Variants in NOS1AP observed in about 807,000 individuals in gnomAD.
The protein encoded by NOS1AP is nitric oxide synthase 1 adaptor protein.
NOS1AP carries 21 observed loss-of-function variants against 56.2 expected under a neutral mutation model. That is an observed-to-expected ratio of 0.37 (90% CI 0.26 to 0.54). NOS1AP has a LOEUF of 0.54. Ranked by LOEUF, NOS1AP falls within the 20% of genes least tolerant of loss-of-function variation. The pLI is 0.84. For synonymous variants in NOS1AP, 270 were observed against 274.6 expected (o/e 0.98, Z 0.17); for missense variants, 522 against 657.8 (o/e 0.79, Z 2.26).
intron 1 of NOS1AP, among the ~76,000 whole-genome samples, chr1:162,146,055 G>T (rs1392580087): frequency 6.6e-6 from 1 of 152,220 alleles, no homozygotes; most frequent in East Asian, 1.9e-4. Flanking sequence ...TGCTGAGGCT[G>T]TAGAACTGAG....
chr1:162,351,652 C>T (rs574868830), intron 6 of NOS1AP, among the ~76,000 whole-genome samples: 9 of 152,292 alleles, frequency 5.9e-5, no homozygotes, highest in South Asian at 2.1e-4. Flanking sequence ...TGCCCTTCCT[C>T]GCCCAACTGC....
At chr1:162,232,442 A>G (rs1653152678) in intron 2 of NOS1AP, among the ~76,000 whole-genome samples, 1 of 152,178 alleles carries the variant, frequency 6.6e-6, no homozygotes, top group Admixed American at 6.5e-5. Context: ...TATGTAGAAC[A>G]TTTTATCTTC....
At chr1:162,339,319 C>T (rs1657031279) in intron 5 of NOS1AP, among the ~76,000 whole-genome samples, 1 of 151,954 alleles carries the variant, frequency 6.6e-6, no homozygotes, top group Admixed American at 6.6e-5. Flanking sequence ...AGATTTGATC[C>T]GTGTGGCAAA....
In NOS1AP at chr1:162,188,687, C is replaced by T. The variant is rs984287485; in HGVS notation, c.177+34211C>T. ...GGTCTTATGTGCCTTCCTTGAAGTG[C>T]AGTGAGTTTTGTTGAATGATAACAG... On this transcript the variant is annotated intron_variant, in intron 2 of 9. Transcript: ENST00000361897. This position sits in a 1 kb window ranked among gnomAD's most constrained non-coding sequence, Gnocchi z 4.0. Among the ~76,000 whole-genome samples, 3 of 152,204 alleles carry T rather than the reference C, an allele frequency of 2.0e-5. No homozygotes were observed. Among genetic ancestry groups the T allele is most frequent in the African/African-American group, 7.2e-5 (3 of 41,444 alleles).
chr1:162,361,330 T>C (rs1274338052), intron 8 of NOS1AP, among the ~76,000 whole-genome samples: 2 of 152,166 alleles, frequency 1.3e-5, no homozygotes, highest in African/African-American at 4.8e-5. Context: ...GCCCCTGTTG[T>C]ATGAATGGGG....
chr1:162,351,381 A>G (rs1234711007), intron 6 of NOS1AP, among the ~76,000 whole-genome samples: 1 of 152,010 alleles, frequency 6.6e-6, no homozygotes, highest in African/African-American at 2.4e-5. Flanking sequence ...GTATTTTTTC[A>G]TTTTTGCCCT....
intron 4 of NOS1AP, among the ~76,000 whole-genome samples, chr1:162,318,121 G>A (rs1324801016): frequency 6.6e-6 from 1 of 152,060 alleles, no homozygotes; most frequent in Non-Finnish European, 1.5e-5. Flanking sequence ...TCTCTGTCTT[G>A]AGCCATCATT....
At chr1:162,292,239 A>G (rs999163307) in intron 3 of NOS1AP, among the ~76,000 whole-genome samples, 15 of 152,202 alleles carry the variant, frequency 9.9e-5, no homozygotes, top group Non-Finnish European at 1.8e-4. Flanking sequence ...CATTGTAGTT[A>G]TTTATCTCTT....
At chr1:162,234,439 T>C (rs970001262) in intron 2 of NOS1AP, among the ~76,000 whole-genome samples, 1 of 142,032 alleles carries the variant, frequency 7.0e-6, no homozygotes, top group Non-Finnish European at 1.6e-5. Flanking sequence ...GTCTCTTTTA[T>C]AGAAATTTTT....
chr1:162,231,622 G>A (rs770342951), intron 2 of NOS1AP, among the ~76,000 whole-genome samples: 13 of 152,050 alleles, frequency 8.5e-5, no homozygotes, highest in Non-Finnish European at 1.3e-4. Context: ...TGTACAGTTA[G>A]TACAAACTGT....
chr1:162,153,164 C>T (rs1415325078), intron 1 of NOS1AP, among the ~76,000 whole-genome samples: 1 of 152,152 alleles, frequency 6.6e-6, no homozygotes, highest in Non-Finnish European at 1.5e-5. Flanking sequence ...AGCCTCAGTC[C>T]ATCACCTGGG....
At chr1:162,359,421 G>A (rs1356034887) in intron 8 of NOS1AP, among the ~76,000 whole-genome samples, 5 of 152,054 alleles carry the variant, frequency 3.3e-5, no homozygotes, top group Admixed American at 6.6e-5. Flanking sequence ...CTTTCTGTTC[G>A]CATCTTGCTT....
chr1:162,313,744 G>C (rs1656127876), intron 4 of NOS1AP, among the ~76,000 whole-genome samples: 1 of 152,186 alleles, frequency 6.6e-6, no homozygotes. Context: ...TTTAAGCATG[G>C]ACCATTCAGA....
chr1:162,104,231 G>A (rs1647411128), intron 1 of NOS1AP, among the ~76,000 whole-genome samples: 1 of 152,168 alleles, frequency 6.6e-6, no homozygotes, highest in South Asian at 2.1e-4. Flanking sequence ...GTTGAATATT[G>A]GCCCCCAGTC....
chr1:162,147,490 C>T (rs578168133), intron 1 of NOS1AP, among the ~76,000 whole-genome samples: 170 of 152,198 alleles, frequency 1.1e-3, no homozygotes, highest in African/African-American at 3.5e-3. Context: ...GTGAATGTTT[C>T]GAGCTTTCTG....
intron 1 of NOS1AP, among the ~76,000 whole-genome samples, chr1:162,124,666 C>T (rs866381692): frequency 8.6e-5 from 13 of 152,028 alleles, no homozygotes; most frequent in African/African-American, 1.2e-4. Flanking sequence ...GGATTACAGG[C>T]GCCCGCCAGC....
chr1:162,154,834 C>CA (rs1291800119), intron 2 of NOS1AP, among the ~76,000 whole-genome samples: 1 of 151,944 alleles, frequency 6.6e-6, no homozygotes, highest in Non-Finnish European at 1.5e-5. Context: ...GTAATTGACT[C>CA]AAAAAGATGG....
At chr1:162,094,407 C>T (rs1252682025) in intron 1 of NOS1AP, among the ~76,000 whole-genome samples, 1 of 152,082 alleles carries the variant, frequency 6.6e-6, no homozygotes, top group African/African-American at 2.4e-5. Context: ...TGTGCTGAGT[C>T]AGACTCAGTA....
At chr1:162,235,234 T>C (rs1571149236) in intron 2 of NOS1AP, among the ~76,000 whole-genome samples, 2 of 152,170 alleles carry the variant, frequency 1.3e-5, no homozygotes, top group African/African-American at 2.4e-5. Context: ...CTCAGCTAAC[T>C]TGAATTTGAA....
Sources: gnomAD v4.1 joint callset for allele counts (sites outside exome capture counted in the v4.1 genomes callset) on GRCh38, gnomAD v4.1.1 for gene constraint, Gnocchi (gnomAD v3.1) non-coding constraint, MANE v1.5 for transcripts, NCBI Gene and HGNC (gene_info 2026-07-23, HGNC 2026-07-21) for gene names.